GRM1: variants seen among roughly 807,000 people sequenced by gnomAD.
The protein encoded by GRM1 is glutamate metabotropic receptor 1.
Under a neutral mutation model 90.9 loss-of-function variants are expected in GRM1, and 33 were observed. That is an observed-to-expected ratio of 0.36 (90% CI 0.28 to 0.49). GRM1 has a LOEUF of 0.49. Ranked by LOEUF, GRM1 falls within the 20% of genes least tolerant of loss-of-function variation. GRM1 has a pLI of 0.99. For synonymous variants in GRM1, 700 were observed against 613.2 expected (o/e 1.14, Z -2.09); for missense variants, 1,190 against 1,534.3 (o/e 0.78, Z 3.75).
chr6:146,030,611 G>A (rs1047446496), intron 1 of GRM1, among the ~76,000 whole-genome samples: 2 of 152,178 alleles, frequency 1.3e-5, no homozygotes, highest in Non-Finnish European at 2.9e-5. Context: ...TTCAGTGTGA[G>A]TGATTGGCAA....
chr6:146,096,463 G>A (rs943517560), intron 1 of GRM1, among the ~76,000 whole-genome samples: 5 of 152,170 alleles, frequency 3.3e-5, no homozygotes, highest in African/African-American at 1.2e-4. Flanking sequence ...CTGCTGGCCT[G>A]CTTAAAGGAC....
intron 1 of GRM1, among the ~76,000 whole-genome samples, chr6:146,051,374 A>G (rs779172297): frequency 6.6e-6 from 1 of 152,042 alleles, no homozygotes; most frequent in Non-Finnish European, 1.5e-5. Flanking sequence ...TCCATCTGTA[A>G]ATATGATACA....
At chr6:146,256,191 G>T (rs1015667001) in intron 2 of GRM1, among the ~76,000 whole-genome samples, 4 of 152,080 alleles carry the variant, frequency 2.6e-5, no homozygotes, top group African/African-American at 9.7e-5. Flanking sequence ...ACCCTTCTCA[G>T]CACTGTATAA....
chr6:146,398,785 T>C lies in GRM1; in HGVS notation c.1746T>C (p.Pro582=). ...NADLTGCEPI[P]VRYLEWSNIE... is the part of the protein sequence containing the mutation. The stretch of plus-strand genomic sequence containing the variant: ...TCATCACAGGCTGTGAGCCCATTCC[T>C]GTGCGCTATCTTGAGTGGAGCAACA... The change falls in exon 7 of 8, where the codon CCT becomes CCC. Residue 582 remains proline (P), a synonymous_variant. Coordinates refer to ENST00000282753, the MANE Select transcript of GRM1 (RefSeq NM_001278064.2). 4 of 1,612,204 alleles carry C rather than the reference T, an allele frequency of 2.5e-6. No individual in the cohort carries two copies. The South Asian group carries it at 4.4e-5, about 18-fold the overall frequency.
chr6:146,154,762 T>C (rs547285777), intron 1 of GRM1, among the ~76,000 whole-genome samples: 15 of 152,326 alleles, frequency 9.8e-5, no homozygotes, highest in Non-Finnish European at 1.9e-4. Context: ...ACCTGATATT[T>C]ATCTTAAAAA....
At position 146,157,841 on chromosome 6, in the gene GRM1, C is replaced by T. The variant is rs1357320186; in HGVS notation, c.701-1507C>T. On this transcript the variant is annotated intron_variant, in intron 1 of 7. Transcript: ENST00000282753. ...ATAGATGTTGTAGTGGGAGGCAAAG[C>T]TAGTTTTTGGTAGACTGTTTCTATG... is the stretch of plus-strand genomic sequence containing the variant. Among the ~76,000 whole-genome samples, 4 of 151,872 alleles carry T rather than the reference C, an allele frequency of 2.6e-5. No homozygotes were observed. In the East Asian group the frequency reaches 7.7e-4, roughly 29 times the overall value.
intron 1 of GRM1, among the ~76,000 whole-genome samples, chr6:146,153,366 G>A (rs1434559245): frequency 6.6e-6 from 1 of 152,160 alleles, no homozygotes; most frequent in African/African-American, 2.4e-5. Context: ...TAACAGGGTT[G>A]TTTTGAGAAT....
intron 2 of GRM1, among the ~76,000 whole-genome samples, chr6:146,284,779 C>T: frequency 6.6e-6 from 1 of 152,304 alleles, no homozygotes; most frequent in South Asian, 2.1e-4. Context: ...GCCTCTCCAG[C>T]CATGTGGAAC....
chr6:146,437,446 A>G lies in GRM1; in HGVS notation c.*2650A>G, dbSNP rs191227740. On this transcript the variant is annotated 3_prime_UTR_variant, in exon 8 of 8. Coordinates refer to ENST00000282753, the MANE Select transcript of GRM1 (RefSeq NM_001278064.2). ...TTCAAAATTGGAGATGTACACATAC[A>G]TACCCTATACCAAGAGGGCCGAAAC... 1 of 152,728 alleles carries G rather than the reference A, an allele frequency of 6.5e-6. No individual in the cohort carries two copies. The highest frequency in any genetic ancestry group is 6.5e-5 in the Admixed American group (1 of 15,286). 9.5% of individuals were successfully genotyped at this position (152,728 alleles called of 1,614,324 possible). A position where few individuals can be genotyped will look rare whatever the true frequency, so the allele number is the denominator to read the frequency against.
chr6:146,266,684 T>A (rs1004871697), intron 2 of GRM1, among the ~76,000 whole-genome samples: 1 of 152,248 alleles, frequency 6.6e-6, no homozygotes, highest in African/African-American at 2.4e-5. Context: ...TCAAACTTGG[T>A]AACTTTGTAA....
intron 1 of GRM1, among the ~76,000 whole-genome samples, chr6:146,035,165 A>G (rs1380110686): frequency 6.6e-6 from 1 of 151,980 alleles, no homozygotes; most frequent in African/African-American, 2.4e-5. Flanking sequence ...AGATTTGCTT[A>G]TCTGGAGGAA....
intron 5 of GRM1, among the ~76,000 whole-genome samples, chr6:146,371,403 G>A (rs947648013): frequency 6.6e-6 from 1 of 152,036 alleles, no homozygotes; most frequent in Non-Finnish European, 1.5e-5. Flanking sequence ...GGCATACAAT[G>A]TACAATGAGT....
chr6:146,094,662 G>A (rs1431159485), intron 1 of GRM1, among the ~76,000 whole-genome samples: 1 of 152,072 alleles, frequency 6.6e-6, no homozygotes, highest in African/African-American at 2.4e-5. Context: ...ATGGAGCATA[G>A]TTATTCTAAA....
At position 146,172,357 on chromosome 6, in the gene GRM1, A is replaced by G. The variant is rs1057230261; in HGVS notation, c.950+12760A>G. ...TTGTATTTACATTGGGCACACCTGT[A>G]TAACTCAGGACATTCTCCCTAATTT... is the stretch of plus-strand genomic sequence containing the variant. On this transcript the variant is annotated intron_variant, in intron 2 of 7. Transcript: ENST00000282753. Among the ~76,000 whole-genome samples, 10 of 152,238 alleles carry G rather than the reference A, an allele frequency of 6.6e-5. No individual in the cohort carries two copies. The South Asian group carries it at 1.7e-3, about 25-fold the overall frequency.
intron 2 of GRM1, among the ~76,000 whole-genome samples, chr6:146,260,362 T>C (rs893959600): frequency 1.9e-4 from 29 of 152,192 alleles, no homozygotes; most frequent in African/African-American, 6.5e-4. Flanking sequence ...TAATATTCCA[T>C]GGTGTATATG....
chr6:146,342,628 C>G (rs1017849700), intron 3 of GRM1, among the ~76,000 whole-genome samples: 4 of 152,256 alleles, frequency 2.6e-5, no homozygotes, highest in Non-Finnish European at 4.4e-5. Context: ...TGAGGTTAGT[C>G]CTATCAACCG....
intron 2 of GRM1, among the ~76,000 whole-genome samples, chr6:146,185,148 A>G (rs570069650): frequency 2.0e-5 from 3 of 152,360 alleles, no homozygotes; most frequent in Admixed American, 2.0e-4. Flanking sequence ...CATCTGGATG[A>G]TATGCAGTAG....
chr6:146,369,665 A>G (rs1775825830), intron 5 of GRM1, among the ~76,000 whole-genome samples: 1 of 151,816 alleles, frequency 6.6e-6, no homozygotes, highest in Admixed American at 6.6e-5. Flanking sequence ...GTTTTATTCT[A>G]TTGTGATCTG....
At chr6:146,120,494 G>A (rs1775939717) in intron 1 of GRM1, among the ~76,000 whole-genome samples, 1 of 152,172 alleles carries the variant, frequency 6.6e-6, no homozygotes, top group African/African-American at 2.4e-5. Flanking sequence ...AGTGGTGAGA[G>A]AGGGCATCCC....
Sources: gnomAD v4.1 joint callset for allele counts (sites outside exome capture counted in the v4.1 genomes callset) on GRCh38, gnomAD v4.1.1 for gene constraint, MANE v1.5 for transcripts, NCBI Gene and HGNC (gene_info 2026-07-23, HGNC 2026-07-21) for gene names.